The following NBEAL1 variants were observed in gnomAD, a reference collection of about 807,000 sequenced individuals.
NBEAL1 encodes the protein neurobeachin like 1, also known as neurobeachin-like protein 1.
NBEAL1 carries 273 observed loss-of-function variants against 351.3 expected under a neutral mutation model. The observed-to-expected ratio is 0.78, with a 90% CI of 0.70 to 0.86. The LOEUF is 0.86. NBEAL1 is among the 40% of genes least tolerant of loss of function. The pLI is 0.00. For synonymous variants in NBEAL1, 1,050 were observed against 1,086.4 expected (o/e 0.97, Z 0.66); for missense variants, 2,961 against 3,201.3 (o/e 0.92, Z 1.81).
intron 55 of NBEAL1, 85 bp downstream of exon 55, chr2:203,213,738 C>T (rs1050616105): frequency 6.4e-7 from 1 of 1,566,320 alleles, no homozygotes; most frequent in Non-Finnish European, 8.6e-7. Flanking sequence ...TGAGAAGTCA[C>T]CATTAGGGAT....
rs1298631179 is a variant in NBEAL1 at position 203,096,347 on chromosome 2, T to G, written c.1099-1200T>G. Among the ~76,000 whole-genome samples the G allele has an allele frequency of 5.9e-5, 9 of 152,180 alleles. No homozygotes were observed. The East Asian group carries it at 1.7e-3, about 29-fold the overall frequency. On this transcript the variant is annotated intron_variant, in intron 10 of 55. Coordinates refer to ENST00000683969, the MANE Select transcript of NBEAL1 (RefSeq NM_001378026.1). ...CATATAATACCATACCTCTATGCAGTTTATTTTATATTGCATATTTCAGCA... is the reference window on the plus strand; with the variant it reads ...CATATAATACCATACCTCTATGCAGGTTATTTTATATTGCATATTTCAGCA...
chr2:203,107,260 A>T (rs2062458720), intron 12 of NBEAL1, among the ~76,000 whole-genome samples, 160 bp from the exon 13 acceptor site: 1 of 152,170 alleles, frequency 6.6e-6, no homozygotes, highest in Non-Finnish European at 1.5e-5. Context: ...CTATTTTAAA[A>T]TGAAGACATG....
intron 36 of NBEAL1, among the ~76,000 whole-genome samples, chr2:203,161,512 C>G (rs1334282240): frequency 6.6e-6 from 1 of 151,460 alleles, no homozygotes; most frequent in Non-Finnish European, 1.5e-5. Context: ...GCCTGTAGTC[C>G]CAGCTACTCA....
intron 33 of NBEAL1, among the ~76,000 whole-genome samples, chr2:203,148,434 T>C (rs2063563995): frequency 6.6e-6 from 1 of 152,138 alleles, no homozygotes; most frequent in African/African-American, 2.4e-5. Flanking sequence ...CTTTTTAATG[T>C]AATTCAGTGC....
chr2:203,096,271 T>A (rs1329428219), intron 10 of NBEAL1, among the ~76,000 whole-genome samples: 2 of 152,244 alleles, frequency 1.3e-5, no homozygotes, highest in Non-Finnish European at 2.9e-5. Flanking sequence ...AGGCCTGTAG[T>A]GTATATATCA....
intron 10 of NBEAL1, among the ~76,000 whole-genome samples, chr2:203,095,412 A>G (rs553954896): frequency 6.6e-6 from 1 of 152,036 alleles, no homozygotes; most frequent in Admixed American, 6.5e-5. Context: ...CTCCTGCCTC[A>G]GCCTCCCGAG....
Position 203,171,933 on chromosome 2 carries a change from G to C in NBEAL1, c.6108G>C (p.Trp2036Cys). ...CTCTTTTTTGTGCTGTCTAGAAATGGGTAAACAGAGAGATATCAAATTTTG... is the reference window on the plus strand; with the variant it reads ...CTCTTTTTTGTGCTGTCTAGAAATGCGTAAACAGAGAGATATCAAATTTTG... ...LFKASGLTQKWVNREISNFDY... is the reference protein window; with the variant it reads ...LFKASGLTQKCVNREISNFDY... Residue 2036 changes from tryptophan to cysteine, a missense_variant, in exon 40 of 56, where the codon TGG becomes TGC. Trp to Cys is a radical substitution (Grantham distance 215). Transcript: ENST00000683969. The C allele has an allele frequency of 6.3e-7, 1 of 1,582,340 alleles. No individual in the cohort carries two copies. Among genetic ancestry groups the C allele is most frequent in the Non-Finnish European group, 8.6e-7 (1 of 1,164,318 alleles).
chr2:203,123,136 GA>G (rs60819391), intron 19 of NBEAL1, among the ~76,000 whole-genome samples: 2 of 145,158 alleles, frequency 1.4e-5, no homozygotes, highest in African/African-American at 2.5e-5. Flanking sequence ...GGTAAATCAG[GA>G]AAAAAAAAAA....
chr2:203,147,315 C>T (rs1283242162), intron 33 of NBEAL1, among the ~76,000 whole-genome samples: 1 of 152,074 alleles, frequency 6.6e-6, no homozygotes, highest in African/African-American at 2.4e-5. Flanking sequence ...GTTAGCAAGG[C>T]TACAGGACAT....
intron 12 of NBEAL1, 119 bp downstream of exon 12, chr2:203,099,831 T>G (rs2062273445): frequency 1.5e-6 from 1 of 646,618 alleles, no homozygotes; most frequent in Non-Finnish European, 2.6e-6. Context: ...GTGTACAGAT[T>G]ATTTTGCCAC....
intron 54 of NBEAL1, among the ~76,000 whole-genome samples, chr2:203,211,502 C>G (rs2065788813): frequency 6.6e-6 from 1 of 152,030 alleles, no homozygotes; most frequent in African/African-American, 2.4e-5. Flanking sequence ...TAAAAATTAG[C>G]TGAGCATGGT....
At chr2:203,120,187 A>C in intron 18 of NBEAL1, among the ~76,000 whole-genome samples, 1 of 152,294 alleles carries the variant, frequency 6.6e-6, no homozygotes, top group African/African-American at 2.4e-5. Flanking sequence ...TATGCTAAGT[A>C]TTTCACGTGT....
chr2:203,113,361 T>G (rs568233612), intron 17 of NBEAL1, 43 bp downstream of exon 17: 1 of 1,144,806 alleles, frequency 8.7e-7, no homozygotes, highest in African/African-American at 1.6e-5. Context: ...TTTAGAGTTT[T>G]TTTTGTTGTC....
chr2:203,111,724 T>C (rs1053947556), intron 15 of NBEAL1, among the ~76,000 whole-genome samples: 3 of 152,224 alleles, frequency 2.0e-5, no homozygotes, highest in Middle Eastern at 3.2e-3. Context: ...TTTTTAAAAA[T>C]GATTCTAAGG....
chr2:203,084,393 A>G, intron 9 of NBEAL1, 70 bp from the exon 10 acceptor site: 1 of 664,906 alleles, frequency 1.5e-6, no homozygotes, highest in Non-Finnish European at 2.3e-6. Flanking sequence ...AAGAAAAATG[A>G]TTAGAGTAAA....
upstream of NBEAL1, chr2:203,014,620 T>A (rs1054545372): frequency 6.6e-6 from 1 of 152,254 alleles, no homozygotes; most frequent in African/African-American, 2.4e-5. Flanking sequence ...CCCTCCTCCA[T>A]GTCCAGCTGA....
At chr2:203,031,739 A>G (rs143915423) in intron 2 of NBEAL1, among the ~76,000 whole-genome samples, 493 of 152,364 alleles carry the variant, frequency 3.2e-3, no homozygotes, top group African/African-American at 0.011. Flanking sequence ...ATAAAAGTAC[A>G]TTTTAGAACT....
chr2:203,188,681 A>C (rs1466782209), intron 45 of NBEAL1, 92 bp downstream of exon 45: 1 of 661,038 alleles, frequency 1.5e-6, no homozygotes, highest in Non-Finnish European at 2.5e-6. Flanking sequence ...ATTTAATATC[A>C]GAAAGACTAC....
chr2:203,127,503 C>T (rs532617755), intron 23 of NBEAL1, among the ~76,000 whole-genome samples: 185 of 152,270 alleles, frequency 1.2e-3, no homozygotes, highest in Non-Finnish European at 2.3e-3. Context: ...GTGGGCAGAT[C>T]GTGAGGTCAG....
Sources: gnomAD v4.1 joint callset for allele counts (sites outside exome capture counted in the v4.1 genomes callset) on GRCh38, gnomAD v4.1.1 for gene constraint, MANE v1.5 for transcripts, NCBI Gene and HGNC (gene_info 2026-07-23, HGNC 2026-07-21) for gene names.